RFC3: variants seen among roughly 807,000 people sequenced by gnomAD.
RFC3 encodes replication factor C subunit 3.
Under a neutral mutation model 45.1 loss-of-function variants are expected in RFC3, and 41 were observed. The ratio of observed to expected loss-of-function variants is 0.91; its 90% confidence interval spans 0.71 to 1.18. The LOEUF is 1.18. RFC3 is among the 50% of genes most tolerant of loss of function. The pLI is 0.00. For synonymous variants in RFC3, 149 were observed against 144.0 expected (o/e 1.03, Z -0.25); for missense variants, 423 against 428.1 (o/e 0.99, Z 0.10).
chr13:33,903,925 GTATC>G (rs1366470851), intron 8 of RFC3, among the ~76,000 whole-genome samples: 1 of 151,906 alleles, frequency 6.6e-6, no homozygotes, highest in East Asian at 1.9e-4. Flanking sequence ...AAAGAAATAG[GTATC>G]TATTTCCTGC....
At position 33,829,922 on chromosome 13, in the gene RFC3, AGATT is replaced by A. The variant is rs2082086414; in HGVS notation, c.482_485del (p.Leu161SerfsTer10). On this transcript the variant is annotated frameshift_variant, in exon 5 of 9. Transcript: ENST00000380071. LOFTEE classifies it high-confidence loss of function. ...CATGGAAAAATATATGTCTACCTGC[AGATT>A]GATCTTGTGCTGCAATTCTACATCT... is the stretch of plus-strand genomic sequence containing the variant. The A allele has an allele frequency of 6.2e-7, 1 of 1,614,128 alleles. No individual in the cohort carries two copies. The highest frequency in any genetic ancestry group is 1.1e-5 in the South Asian group (1 of 91,082).
intron 8 of RFC3, among the ~76,000 whole-genome samples, chr13:33,857,677 G>A: frequency 6.6e-6 from 1 of 152,148 alleles, no homozygotes; most frequent in East Asian, 1.9e-4. Context: ...TTAAAACCCA[G>A]TGTGGTAACC....
intron 8 of RFC3, among the ~76,000 whole-genome samples, chr13:33,962,759 G>T (rs2137869517): frequency 6.6e-6 from 1 of 152,230 alleles, no homozygotes; most frequent in South Asian, 2.1e-4. Flanking sequence ...ATGTATGTAT[G>T]TATAGATACA....
At chr13:33,921,298 C>T (rs1020456042) in intron 8 of RFC3, among the ~76,000 whole-genome samples, 2 of 152,150 alleles carry the variant, frequency 1.3e-5, no homozygotes, top group Non-Finnish European at 2.9e-5. Context: ...CACTTAGTGG[C>T]TCCGTAAGTG....
chr13:33,967,952 T>C (rs1289794065), downstream of RFC3, among the ~76,000 whole-genome samples: 2 of 152,226 alleles, frequency 1.3e-5, no homozygotes, highest in East Asian at 1.9e-4. Flanking sequence ...GAATACACTT[T>C]GACAAATTCT....
intron 8 of RFC3, among the ~76,000 whole-genome samples, chr13:33,883,211 C>A (rs2082496759): frequency 6.6e-6 from 1 of 152,112 alleles, no homozygotes; most frequent in Non-Finnish European, 1.5e-5. Context: ...AATGACCCTG[C>A]AAAAATATTG....
At position 33,836,151 on chromosome 13, in the gene RFC3, G is replaced by C; in HGVS notation, c.927G>C (p.Gly309=). 1 of 1,613,218 alleles carries C rather than the reference G, an allele frequency of 6.2e-7. No homozygotes were observed. Among genetic ancestry groups the C allele is most frequent in the South Asian group, 1.1e-5 (1 of 91,044 alleles). ...LLHNCDGQLK[G]EVAQMAAYYE... The stretch of plus-strand genomic sequence containing the variant: ...ATAATTGTGATGGACAACTGAAAGG[G>C]GAGGTGGCACAAATGGCAGCTTACT... The change falls in exon 9 of 9, where the codon GGG becomes GGC. Residue 309 remains glycine, a synonymous_variant. Transcript: ENST00000380071.
At chr13:33,920,230 A>G (rs1479593003) in intron 8 of RFC3, among the ~76,000 whole-genome samples, 2 of 152,048 alleles carry the variant, frequency 1.3e-5, no homozygotes, top group African/African-American at 4.8e-5. Context: ...CTGGAAAGAG[A>G]ATCTTCACAA....
At chr13:33,891,087 A>G (rs7328338) in intron 8 of RFC3, among the ~76,000 whole-genome samples, 18,400 of 152,140 alleles carry the variant, frequency 0.12, 2,375 homozygotes, top group African/African-American at 0.32. Context: ...CTAGGTCATC[A>G]CTACTTAAAA....
intron 8 of RFC3, among the ~76,000 whole-genome samples, chr13:33,956,222 A>T (rs540762510): frequency 6.6e-6 from 1 of 152,224 alleles, no homozygotes; most frequent in Non-Finnish European, 1.5e-5. Context: ...CCTTTCTTGC[A>T]CTGAGGTTAA....
chr13:33,929,754 A>G (rs1176542012), intron 8 of RFC3, among the ~76,000 whole-genome samples: 2 of 152,052 alleles, frequency 1.3e-5, no homozygotes, highest in African/African-American at 4.8e-5. Flanking sequence ...CATTTTCATA[A>G]GTAATTTTCT....
chr13:33,859,735 A>G (rs956311168), intron 8 of RFC3, among the ~76,000 whole-genome samples: 11 of 152,204 alleles, frequency 7.2e-5, no homozygotes, highest in Admixed American at 2.0e-4. Flanking sequence ...TTGCCATCCC[A>G]TACGTAATGG....
chr13:33,913,991 C>T (rs973588314), intron 8 of RFC3, among the ~76,000 whole-genome samples: 4 of 145,168 alleles, frequency 2.8e-5, no homozygotes, highest in African/African-American at 8.6e-5. Flanking sequence ...GTGATATGCT[C>T]ATGTAATTAC....
At chr13:33,876,722 A>G (rs2082449552) in intron 8 of RFC3, among the ~76,000 whole-genome samples, 2 of 152,246 alleles carry the variant, frequency 1.3e-5, no homozygotes, top group African/African-American at 4.8e-5. Flanking sequence ...GCATGGGATT[A>G]TAAAGGAGAG....
chr13:33,885,964 A>G (rs539182985), intron 8 of RFC3, among the ~76,000 whole-genome samples: 12 of 152,192 alleles, frequency 7.9e-5, no homozygotes, highest in East Asian at 7.7e-4. Context: ...CTGCTGGCCA[A>G]TGAGACATAC....
chr13:33,924,789 G>A (rs2137746281), intron 8 of RFC3, among the ~76,000 whole-genome samples: 1 of 149,506 alleles, frequency 6.7e-6, no homozygotes, highest in South Asian at 2.1e-4. Flanking sequence ...GTTGTTCAGA[G>A]AGTACAAACT....
At chr13:33,830,957 G>A in intron 6 of RFC3, 102 bp downstream of exon 6, 1 of 883,234 alleles carries the variant, frequency 1.1e-6, no homozygotes. Flanking sequence ...ACTGGGCAGG[G>A]GTGGGGGATG....
chr13:33,818,817 T>C (rs932112097), intron 1 of RFC3, among the ~76,000 whole-genome samples: 1 of 152,168 alleles, frequency 6.6e-6, no homozygotes, highest in Non-Finnish European at 1.5e-5. Context: ...GTTGTAAATA[T>C]GTATTTACTC....
chr13:33,887,563 A>C lies in RFC3; in HGVS notation c.879+52346A>C, dbSNP rs1246643613. ...CTTTGTCAGATGAGTAGGTTGCGAA[A>C]ATTTTCTCCCATTTTGTAGGTTGCC... On this transcript the variant is annotated intron_variant, in intron 8 of 8. Transcript: ENST00000434425. Among the ~76,000 whole-genome samples the C allele has an allele frequency of 7.3e-5, 11 of 151,706 alleles. No homozygotes were observed. In the East Asian group the frequency reaches 1.9e-3, roughly 27 times the overall value.
Sources: allele counts gnomAD v4.1 joint callset (sites outside exome capture counted in the v4.1 genomes callset), GRCh38; gene constraint gnomAD v4.1.1; transcripts MANE v1.5; gene names NCBI Gene and HGNC (gene_info 2026-07-23, HGNC 2026-07-21).